Variants in RASAL2 observed in about 807,000 individuals in gnomAD.
RASAL2 encodes the protein RAS protein activator like 2.
In RASAL2, 58 loss-of-function variants were observed where a neutral mutation model predicts 128.9. The observed-to-expected ratio is 0.45, with a 90% confidence interval of 0.36 to 0.56. The LOEUF is 0.56. RASAL2 is among the 20% of genes least tolerant of loss of function. RASAL2 has a pLI of 0.00. For missense variants in RASAL2, 1,360 were observed against 1,601.6 expected (o/e 0.85, Z 2.57); for synonymous variants, 561 against 580.8 (o/e 0.97, Z 0.49).
At chr1:178,234,382 T>G (rs1664141533) in intron 1 of RASAL2, among the ~76,000 whole-genome samples, 1 of 152,200 alleles carries the variant, frequency 6.6e-6, no homozygotes, top group African/African-American at 2.4e-5. Context: ...GCTTGTATCA[T>G]AAAATACTCC....
chr1:178,176,707 G>A (rs1365197213), intron 1 of RASAL2, among the ~76,000 whole-genome samples: 2 of 151,712 alleles, frequency 1.3e-5, no homozygotes, highest in South Asian at 2.1e-4. Flanking sequence ...GTGCATTGGC[G>A]TGATCATAGC....
At chr1:178,397,087 T>A (rs1673284637) in intron 4 of RASAL2, among the ~76,000 whole-genome samples, 1 of 152,202 alleles carries the variant, frequency 6.6e-6, no homozygotes, top group South Asian at 2.1e-4. Context: ...AAACATTAAA[T>A]GTAGAGTTTC....
At position 178,156,736 on chromosome 1, in the gene RASAL2, T is replaced by C. The variant is rs557907814; in HGVS notation, c.202+62042T>C. Among the ~76,000 whole-genome samples, 8 of 152,300 alleles carry C rather than the reference T, an allele frequency of 5.3e-5. No homozygotes were observed. The South Asian group carries it at 1.7e-3, about 32-fold the overall frequency. Reference sequence around the variant, plus strand: ...GAAAACGAGCTAAAGACATGAAATATTACACTTTCTAATAAATATTCTTTT... The same window carrying C: ...GAAAACGAGCTAAAGACATGAAATACTACACTTTCTAATAAATATTCTTTT... On this transcript the variant is annotated intron_variant, in intron 1 of 17. Coordinates refer to ENST00000367649, the MANE Select transcript of RASAL2 (RefSeq NM_170692.4).
intron 3 of RASAL2, among the ~76,000 whole-genome samples, chr1:178,345,262 A>G (rs1171086157): frequency 6.6e-6 from 1 of 152,188 alleles, no homozygotes; most frequent in African/African-American, 2.4e-5. Context: ...TTGAAAAAGT[A>G]GTTTAGGTTT....
At chr1:178,178,928 A>G (rs1001342950) in intron 1 of RASAL2, among the ~76,000 whole-genome samples, 1 of 152,192 alleles carries the variant, frequency 6.6e-6, no homozygotes, top group Non-Finnish European at 1.5e-5. Flanking sequence ...TTTATGCTCT[A>G]CTTTCATATA....
chr1:178,478,578 T>C lies in RASAL2; in HGVS notation c.*5339T>C, dbSNP rs1364856135. The stretch of plus-strand genomic sequence containing the variant: ...ACAATGATAGCTCTAAATAATTTAT[T>C]TTTTATTTCAAGAAAGAGAAATACA... On this transcript the variant is annotated 3_prime_UTR_variant, in exon 18 of 18. Transcript: ENST00000367649. 2.6e-5 allele frequency: 4 copies of C among 152,238 alleles called. No individual in the cohort carries two copies. The highest frequency in any genetic ancestry group is 5.9e-5 in the Non-Finnish European group (4 of 68,036). 9.4% of individuals were successfully genotyped at this position (152,238 alleles called of 1,614,324 possible).
intron 3 of RASAL2, among the ~76,000 whole-genome samples, chr1:178,383,662 A>C (rs1672399820): frequency 6.6e-6 from 1 of 152,082 alleles, no homozygotes; most frequent in African/African-American, 2.4e-5. Context: ...ATTTCCTCCT[A>C]CTATTTCATC....
intron 3 of RASAL2, among the ~76,000 whole-genome samples, chr1:178,380,034 A>T (rs1316183069): frequency 1.3e-5 from 2 of 152,056 alleles, no homozygotes; most frequent in Admixed American, 6.6e-5. Flanking sequence ...GTGCAGTCGC[A>T]CGCCGCCACG....
intron 9 of RASAL2, among the ~76,000 whole-genome samples, chr1:178,447,802 G>T (rs151037479): frequency 0.012 from 1,826 of 149,978 alleles, 16 homozygotes; most frequent in Non-Finnish European, 0.019. Context: ...TGAACTGATA[G>T]AACTTGGCAA....
intron 1 of RASAL2, among the ~76,000 whole-genome samples, chr1:178,143,243 T>C (rs112623542): frequency 6.6e-6 from 1 of 152,004 alleles, no homozygotes; most frequent in African/African-American, 2.4e-5. Flanking sequence ...TATATATTTA[T>C]CTATAATATC....
At chr1:178,427,025 A>G (rs904704611) in intron 5 of RASAL2, among the ~76,000 whole-genome samples, 1 of 152,180 alleles carries the variant, frequency 6.6e-6, no homozygotes, top group African/African-American at 2.4e-5. Context: ...ATGGAGAGGC[A>G]GAGACAAGAT....
At chr1:178,453,662 T>C (rs1338483643) in intron 11 of RASAL2, among the ~76,000 whole-genome samples, 3 of 152,140 alleles carry the variant, frequency 2.0e-5, no homozygotes. Context: ...TCAAACTTTT[T>C]TCAGTAAGTT....
chr1:178,304,377 G>A (rs1434443791), intron 3 of RASAL2, among the ~76,000 whole-genome samples: 3 of 152,040 alleles, frequency 2.0e-5, no homozygotes, highest in African/African-American at 7.2e-5. Context: ...AAAAAAATTA[G>A]CCAGGCATGG....
chr1:178,098,686 A>G (rs1658782613), intron 1 of RASAL2, among the ~76,000 whole-genome samples: 1 of 152,180 alleles, frequency 6.6e-6, no homozygotes, highest in African/African-American at 2.4e-5. Flanking sequence ...CAAGAAAGGG[A>G]TCAACAAGAA....
intron 1 of RASAL2, among the ~76,000 whole-genome samples, chr1:178,238,823 A>G (rs1664373762): frequency 6.6e-6 from 1 of 151,930 alleles, no homozygotes; most frequent in African/African-American, 2.4e-5. Flanking sequence ...TTCCAGGATG[A>G]TTGTCATCCT....
At chr1:178,393,522 A>G (rs1272956252) in intron 4 of RASAL2, among the ~76,000 whole-genome samples, 1 of 152,156 alleles carries the variant, frequency 6.6e-6, no homozygotes, top group African/African-American at 2.4e-5. Flanking sequence ...AGCAGCTGTA[A>G]ACACAGATGA....
chr1:178,256,139 A>G (rs1665332700), intron 1 of RASAL2, among the ~76,000 whole-genome samples: 1 of 152,232 alleles, frequency 6.6e-6, no homozygotes, highest in Admixed American at 6.5e-5. Flanking sequence ...GAATCCAGCA[A>G]CATCTAAGTA....
At chr1:178,388,854 GTGGTTGGGCATC>G (rs1672733499) in intron 3 of RASAL2, among the ~76,000 whole-genome samples, 1 of 152,230 alleles carries the variant, frequency 6.6e-6, no homozygotes, top group African/African-American at 2.4e-5. Context: ...AGGGAAGGCA[GTGGTTGGGCATC>G]TGTTAATAGC....
At chr1:178,200,260 C>T (rs1234845751) in intron 1 of RASAL2, among the ~76,000 whole-genome samples, 2 of 152,048 alleles carry the variant, frequency 1.3e-5, no homozygotes, top group South Asian at 2.1e-4. Context: ...CTGCTTAATA[C>T]GAATAGACCC....
Sources: allele counts gnomAD v4.1 joint callset (sites outside exome capture counted in the v4.1 genomes callset), GRCh38; gene constraint gnomAD v4.1.1; transcripts MANE v1.5; gene names NCBI Gene and HGNC (gene_info 2026-07-23, HGNC 2026-07-21).